The following EIF4G3 variants were observed in gnomAD, a reference collection of about 807,000 sequenced individuals.
EIF4G3 encodes the protein eIF-4-gamma 3.
In EIF4G3, 34 loss-of-function variants were observed where a neutral mutation model predicts 186.4. The ratio of observed to expected loss-of-function variants is 0.18; its 90% CI spans 0.14 to 0.24. The LOEUF is 0.24. Ranked by LOEUF, EIF4G3 falls within the 10% of genes least tolerant of loss-of-function variation. The probability of loss-of-function intolerance (pLI) is 1.00; values close to 1 mark genes in which losing one functional copy is unlikely to be tolerated. For missense variants in EIF4G3, 1,536 were observed against 1,948.5 expected (o/e 0.79, Z 3.99); for synonymous variants, 673 against 679.5 (o/e 0.99, Z 0.15).
chr1:21,130,713 C>A (rs1170848641), intron 2 of EIF4G3, among the ~76,000 whole-genome samples: 1 of 151,884 alleles, frequency 6.6e-6, no homozygotes, highest in Non-Finnish European at 1.5e-5. Context: ...ATAAATACAA[C>A]CAGATTCAGG....
chr1:20,981,233 A>G lies in EIF4G3; in HGVS notation c.199-6T>C. ...ATTTGAGGCCTCTGGAAAAACTGGGAAGGGGAGAAAAAAAAAATTTTTTTT... is the reference window on the plus strand; with the variant it reads ...ATTTGAGGCCTCTGGAAAAACTGGGGAGGGGAGAAAAAAAAAATTTTTTTT... On this transcript the variant is annotated splice_polypyrimidine_tract_variant and splice_region_variant and intron_variant, in intron 8 of 36. Transcript: ENST00000602326. 3.2e-6 allele frequency: 5 copies of G among 1,562,010 alleles called. No individual in the cohort carries two copies. Among genetic ancestry groups the G allele is most frequent in the Non-Finnish European group, 4.3e-6 (5 of 1,156,718 alleles).
intron 3 of EIF4G3, among the ~76,000 whole-genome samples, chr1:21,053,136 G>A (rs1294816198): frequency 2.0e-5 from 3 of 151,870 alleles, no homozygotes; most frequent in African/African-American, 7.2e-5. Flanking sequence ...AGGAAGTGAG[G>A]AGCGTCTCTG....
chr1:21,007,164 G>A (rs1175595940), intron 4 of EIF4G3, among the ~76,000 whole-genome samples: 1 of 152,074 alleles, frequency 6.6e-6, no homozygotes, highest in Non-Finnish European at 1.5e-5. Flanking sequence ...TTGGGAGATA[G>A]AGACAGGCAG....
chr1:20,827,765 A>C, intron 31 of EIF4G3, 67 bp from the exon 32 acceptor site: 1 of 1,078,860 alleles, frequency 9.3e-7, no homozygotes, highest in South Asian at 1.3e-5. Flanking sequence ...CAAGAGGCAA[A>C]CAATGTGTGA....
intron 4 of EIF4G3, among the ~76,000 whole-genome samples, chr1:21,038,805 T>C (rs148971004): frequency 1.3e-5 from 2 of 152,148 alleles, no homozygotes; most frequent in Admixed American, 6.5e-5. Flanking sequence ...GAATACTACA[T>C]CTTAATTCCA....
In EIF4G3 at chr1:20,972,914, A is replaced by T. The variant is rs141698731; in HGVS notation, c.591+88T>A. ...AAAAAAAAGGCACAGTAATTTGTGA[A>T]TTGAGATGAATAATGACTACGTAAA... On this transcript the variant is annotated intron_variant, in intron 11 of 36. Transcript: ENST00000602326. 8.7e-4 allele frequency: 931 copies of T among 1,068,474 alleles called. 7 individuals are homozygous for T. The African/African-American group carries it at 0.014, about 16-fold the overall frequency. 66.2% of individuals were successfully genotyped at this position (1,068,474 alleles called of 1,614,324 possible). A position where few individuals can be genotyped will look rare whatever the true frequency, so the allele number is the denominator to read the frequency against.
intron 2 of EIF4G3, among the ~76,000 whole-genome samples, chr1:21,100,765 C>CA (rs2096498338): frequency 6.6e-6 from 1 of 152,086 alleles, no homozygotes; most frequent in African/African-American, 2.4e-5. Context: ...TCTACACAAA[C>CA]AAAGAGAATT....
chr1:21,064,190 C>T (rs912739891), intron 3 of EIF4G3, among the ~76,000 whole-genome samples: 8 of 152,012 alleles, frequency 5.3e-5, no homozygotes, highest in Non-Finnish European at 1.2e-4. Flanking sequence ...TTCATGCTAT[C>T]CTTTGTGCCC....
At chr1:21,016,165 G>A (rs2088965361) in intron 4 of EIF4G3, among the ~76,000 whole-genome samples, 1 of 152,170 alleles carries the variant, frequency 6.6e-6, no homozygotes, top group African/African-American at 2.4e-5. Context: ...GGCCTGAGGT[G>A]AAAAGAAGTA....
intron 19 of EIF4G3, among the ~76,000 whole-genome samples, chr1:20,882,009 C>T (rs1411963413): frequency 2.0e-5 from 3 of 151,500 alleles, no homozygotes; most frequent in Non-Finnish European, 2.9e-5. Flanking sequence ...ATAAAAAATA[C>T]AAAAATTAGC....
At chr1:21,044,824 C>T (rs1327721527) in intron 4 of EIF4G3, among the ~76,000 whole-genome samples, 1 of 151,952 alleles carries the variant, frequency 6.6e-6, no homozygotes, top group East Asian at 1.9e-4. Flanking sequence ...GTATTTTTTA[C>T]ATCTTTTGTA....
chr1:20,861,950 G>A (rs1204652090), intron 23 of EIF4G3, among the ~76,000 whole-genome samples: 1 of 151,958 alleles, frequency 6.6e-6, no homozygotes, highest in African/African-American at 2.4e-5. Context: ...CTCCAGCCTG[G>A]GCGACAGAGT....
At chr1:21,081,636 ATTTT>A (rs566655576) in intron 3 of EIF4G3, among the ~76,000 whole-genome samples, 1 of 122,768 alleles carries the variant, frequency 8.1e-6, no homozygotes. Context: ...GATGAGTCCA[ATTTT>A]TTTTTTTTTT....
intron 19 of EIF4G3, among the ~76,000 whole-genome samples, chr1:20,885,867 T>C (rs1572202574): frequency 6.6e-6 from 1 of 152,076 alleles, no homozygotes; most frequent in Non-Finnish European, 1.5e-5. Context: ...ATGTAATAAT[T>C]AGGATAAATA....
chr1:20,849,601 A>G, intron 28 of EIF4G3, 71 bp from the exon 29 acceptor site: 1 of 651,444 alleles, frequency 1.5e-6, no homozygotes, highest in Non-Finnish European at 2.5e-6. Context: ...ATTATGGTTG[A>G]CAATATTATG....
intron 3 of EIF4G3, among the ~76,000 whole-genome samples, chr1:21,084,471 T>C (rs2100967877): frequency 6.6e-6 from 1 of 152,266 alleles, no homozygotes; most frequent in Middle Eastern, 3.4e-3. Context: ...TCTGCCCCCA[T>C]GATCCAATCA....
intron 14 of EIF4G3, among the ~76,000 whole-genome samples, chr1:20,907,365 T>TTC (rs943126652): frequency 3.7e-4 from 56 of 152,098 alleles, no homozygotes; most frequent in African/African-American, 1.3e-3. Flanking sequence ...TAATGCTGAT[T>TTC]TCCAGATTTT....
At chr1:21,116,667 T>C (rs1461836223) in intron 2 of EIF4G3, among the ~76,000 whole-genome samples, 1 of 151,634 alleles carries the variant, frequency 6.6e-6, no homozygotes, top group Non-Finnish European at 1.5e-5. Flanking sequence ...GTGGAAACCC[T>C]GTCTCTACTA....
At chr1:20,818,467 C>T (rs2061570477) in intron 33 of EIF4G3, among the ~76,000 whole-genome samples, 3 of 151,986 alleles carry the variant, frequency 2.0e-5, no homozygotes, top group Admixed American at 6.6e-5. Flanking sequence ...GGCAAAACCC[C>T]GTCTCTACCA....
Sources: allele counts gnomAD v4.1 joint callset (sites outside exome capture counted in the v4.1 genomes callset), GRCh38; gene constraint gnomAD v4.1.1; transcripts MANE v1.5; gene names NCBI Gene and HGNC (gene_info 2026-07-23, HGNC 2026-07-21).